NR3C2: variants seen among roughly 807,000 people sequenced by gnomAD.
NR3C2 encodes nuclear receptor subfamily 3 group C member 2.
Under a neutral mutation model 86.4 loss-of-function variants are expected in NR3C2, and 15 were observed. The observed-to-expected ratio is 0.17, with a 90% CI of 0.12 to 0.27. NR3C2 has a LOEUF of 0.27. Ranked by LOEUF, NR3C2 falls within the 10% of genes least tolerant of loss-of-function variation. NR3C2 has a pLI of 1.00. For synonymous variants in NR3C2, 458 were observed against 450.5 expected (o/e 1.02, Z -0.21); for missense variants, 960 against 1,195.6 (o/e 0.80, Z 2.91).
chr4:148,442,845 CCTT>C (rs1237230672), upstream of NR3C2: 7 of 985,312 alleles, frequency 7.1e-6, no homozygotes, highest in Admixed American at 6.1e-5. Context: ...ACCCTGCTCT[CCTT>C]CTGACCGACC....
chr4:148,130,819 GTTTTTTTT>G (rs376180676), intron 6 of NR3C2, among the ~76,000 whole-genome samples: 37 of 108,904 alleles, frequency 3.4e-4, no homozygotes, highest in African/African-American at 1.2e-3. Flanking sequence ...GTTTTGTTTT[GTTTTTTTT>G]TTTTTTTTTT....
intron 2 of NR3C2, among the ~76,000 whole-genome samples, chr4:148,326,127 A>C (rs1412491643): frequency 1.3e-5 from 2 of 152,040 alleles, no homozygotes; most frequent in Non-Finnish European, 2.9e-5. Context: ...GCAGTGGCTC[A>C]CGCCTGTAAT....
intron 4 of NR3C2, among the ~76,000 whole-genome samples, chr4:148,162,021 G>A (rs1418817811): frequency 6.6e-6 from 1 of 152,156 alleles, no homozygotes; most frequent in African/African-American, 2.4e-5. Flanking sequence ...GTGTGAGGCA[G>A]ATTACACCTA....
intron 2 of NR3C2, among the ~76,000 whole-genome samples, chr4:148,312,975 T>C (rs1579140326): frequency 6.6e-6 from 1 of 152,156 alleles, no homozygotes; most frequent in South Asian, 2.1e-4. Flanking sequence ...AGACAATAAA[T>C]GCATCATTAA....
chr4:148,133,779 T>A (rs1048929442), intron 6 of NR3C2, among the ~76,000 whole-genome samples: 5 of 152,050 alleles, frequency 3.3e-5, no homozygotes, highest in African/African-American at 9.7e-5. Flanking sequence ...CAGCAGAGAG[T>A]GGCTCACATG....
intron 3 of NR3C2, among the ~76,000 whole-genome samples, chr4:148,241,623 C>T (rs1190372483): frequency 6.6e-6 from 1 of 152,152 alleles, no homozygotes; most frequent in Non-Finnish European, 1.5e-5. Context: ...TTCCCTTGCA[C>T]TTTACCTGCG....
chr4:148,332,845 G>A (rs1346664430), intron 2 of NR3C2, among the ~76,000 whole-genome samples: 2 of 152,178 alleles, frequency 1.3e-5, no homozygotes, highest in Non-Finnish European at 2.9e-5. Context: ...TTCTTTTGGA[G>A]GGTGTGTTAG....
At chr4:148,204,056 T>A (rs538532418) in intron 3 of NR3C2, among the ~76,000 whole-genome samples, 10 of 152,206 alleles carry the variant, frequency 6.6e-5, no homozygotes, top group Admixed American at 6.5e-4. Flanking sequence ...AATTCCCACA[T>A]AAACATTCTT....
At chr4:148,361,100 T>G (rs1745811970) in intron 2 of NR3C2, among the ~76,000 whole-genome samples, 1 of 152,180 alleles carries the variant, frequency 6.6e-6, no homozygotes, top group Non-Finnish European at 1.5e-5. Context: ...CGCCTGATAA[T>G]GAATCTCTGC....
At chr4:148,271,160 C>T (rs1346893010) in intron 2 of NR3C2, among the ~76,000 whole-genome samples, 2 of 152,216 alleles carry the variant, frequency 1.3e-5, no homozygotes, top group Non-Finnish European at 2.9e-5. Context: ...TCCATGATCA[C>T]ATTCTCCACG....
At chr4:148,226,822 T>G (rs1579039408) in intron 3 of NR3C2, among the ~76,000 whole-genome samples, 1 of 152,188 alleles carries the variant, frequency 6.6e-6, no homozygotes, top group African/African-American at 2.4e-5. Context: ...GCCATTTGTA[T>G]TTCTCTGACT....
At chr4:148,106,692 A>G (rs911643523) in intron 8 of NR3C2, among the ~76,000 whole-genome samples, 2 of 152,232 alleles carry the variant, frequency 1.3e-5, no homozygotes, top group Admixed American at 1.3e-4. Context: ...CAGAACAGAA[A>G]CCTCAGAAAT....
chr4:148,386,448 C>A (rs775487786), intron 2 of NR3C2, among the ~76,000 whole-genome samples: 7 of 152,152 alleles, frequency 4.6e-5, no homozygotes, highest in Non-Finnish European at 8.8e-5. Context: ...TATGATTAAC[C>A]AACTTCACGT....
chr4:148,426,079 A>G (rs1258414192), intron 2 of NR3C2, among the ~76,000 whole-genome samples: 4 of 152,146 alleles, frequency 2.6e-5, no homozygotes, highest in African/African-American at 9.7e-5. Flanking sequence ...GCCAAACAAA[A>G]TCCTTACTCT....
At chr4:148,301,890 T>A (rs902495366) in intron 2 of NR3C2, among the ~76,000 whole-genome samples, 2 of 152,248 alleles carry the variant, frequency 1.3e-5, no homozygotes, top group Non-Finnish European at 2.9e-5. Flanking sequence ...AAATGATGTT[T>A]AATCTTCTTC....
intron 6 of NR3C2, among the ~76,000 whole-genome samples, chr4:148,149,011 G>T (rs1292276449): frequency 6.6e-6 from 1 of 152,210 alleles, no homozygotes; most frequent in Non-Finnish European, 1.5e-5. Flanking sequence ...GGTACCCAGT[G>T]ATGGAGCTAC....
intron 2 of NR3C2, among the ~76,000 whole-genome samples, chr4:148,279,488 A>C (rs1741131440): frequency 6.6e-6 from 1 of 152,206 alleles, no homozygotes; most frequent in Admixed American, 6.5e-5. Context: ...GACACTAAAA[A>C]TTCATGACTA....
At chr4:148,299,467 C>T (rs1742224016) in intron 2 of NR3C2, among the ~76,000 whole-genome samples, 1 of 152,156 alleles carries the variant, frequency 6.6e-6, no homozygotes, top group African/African-American at 2.4e-5. Context: ...CCACCTCACC[C>T]AACAGCCACA....
intron 7 of NR3C2, among the ~76,000 whole-genome samples, chr4:148,117,866 G>A (rs181901956): frequency 6.6e-6 from 1 of 152,058 alleles, no homozygotes; most frequent in Non-Finnish European, 1.5e-5. Flanking sequence ...CTGTTTCAGG[G>A]GCCCATGGCA....
Sources: allele counts gnomAD v4.1 joint callset (sites outside exome capture counted in the v4.1 genomes callset), GRCh38; gene constraint gnomAD v4.1.1; transcripts MANE v1.5; gene names NCBI Gene and HGNC (gene_info 2026-07-23, HGNC 2026-07-21).